ADGRB2: variants seen among roughly 807,000 people sequenced by gnomAD.
ADGRB2 encodes adhesion G protein-coupled receptor B2.
A neutral mutation model predicts 178.7 loss-of-function variants in ADGRB2; 47 were observed. That is an observed-to-expected ratio of 0.26 (90% CI 0.21 to 0.34). The LOEUF (loss-of-function observed/expected upper bound fraction) is 0.34. Among genes scored for constraint, ADGRB2 ranks in the 10% least tolerant of loss-of-function variants. The pLI, the probability that ADGRB2 is intolerant of heterozygous loss-of-function variation, is 1.00. For synonymous variants in ADGRB2, 870 were observed against 912.4 expected, an observed-to-expected ratio of 0.95 and a Z score of 0.84; for missense variants, 1,584 against 2,180.8, an observed-to-expected ratio of 0.73 and a Z score of 5.45.
Position 31,733,999 on chromosome 1 carries a change from A to G in ADGRB2, c.3453-856T>C, listed in dbSNP as rs1357212247. Among the ~76,000 whole-genome samples the G allele has an allele frequency of 6.6e-6, 1 of 152,164 alleles. No homozygotes were observed. Among genetic ancestry groups the G allele is most frequent in the African/African-American group, 2.4e-5 (1 of 41,436 alleles). On this transcript the variant is annotated intron_variant, in intron 25 of 32. Transcript: ENST00000373658. This position sits in a 1 kb window ranked among gnomAD's most constrained non-coding sequence, Gnocchi z 4.3. ...GGGAGAGTCAGGCACAGCTCTAGGC[A>G]TGGCAGAGGGTGGCACCATTCCGCA...
In ADGRB2 at chr1:31,753,448, C is replaced by T. The variant is rs138290224; in HGVS notation, c.838+2551G>A. ...CACCAGCCCCCAGCCCAGTGCTCTT[C>T]CGGTACCAGCCCAAGCCCACCCTGC... On this transcript the variant is annotated intron_variant, in intron 4 of 32. Transcript: ENST00000373658. This position sits in a 1 kb window ranked among gnomAD's most constrained non-coding sequence, Gnocchi z 4.1. Among the ~76,000 whole-genome samples the T allele has an allele frequency of 2.5e-3, 374 of 152,356 alleles. 1 individual carries two copies. The highest frequency in any genetic ancestry group is 8.2e-3 in the African/African-American group (342 of 41,582).
At position 31,741,048 on chromosome 1, in the gene ADGRB2, C is replaced by A. The variant is rs2148955581; in HGVS notation, c.1794+325G>T. Among the ~76,000 whole-genome samples the A allele has an allele frequency of 6.6e-6, 1 of 152,270 alleles. No individual in the cohort carries two copies. Among genetic ancestry groups the A allele is most frequent in the East Asian group, 1.9e-4 (1 of 5,172 alleles). ...TGCTACTCTTACCCCATGACTGGCC[C>A]TGGGCTGGATGCTGGGGACACAAAA... On this transcript the variant is annotated intron_variant, in intron 11 of 32. Transcript: ENST00000373658. The surrounding 1 kb of genome is among the most constrained non-coding windows in gnomAD (Gnocchi z 6.5).
At position 31,740,926 on chromosome 1, in the gene ADGRB2, CTGT is replaced by C. The variant is rs1557760305; in HGVS notation, c.1795-388_1795-386del. ...ACACACACACACACACACACACACA[CTGT>C]CTTTCTCTCTCTCACTCTCTCTCAA... On this transcript the variant is annotated intron_variant, in intron 11 of 32. Transcript: ENST00000373658. This position sits in a 1 kb window ranked among gnomAD's most constrained non-coding sequence, Gnocchi z 5.9. 1.1e-3 allele frequency among the ~76,000 whole-genome samples: 152 copies of C among 137,288 alleles called. No individual in the cohort carries two copies. Among genetic ancestry groups the C allele is most frequent in the Admixed American group, 9.5e-3 (135 of 14,138 alleles). The allele number at this position is 137,288 out of a possible 152,430, so 90.1% of individuals were successfully genotyped here.
Position 31,738,234 on chromosome 1 carries a change from G to A in ADGRB2, c.2738C>T (p.Thr913Ile), listed in dbSNP as rs1645734500. ...GGGCGGCTGGGCTAGTACAGCAAAG[G>A]TGGACAGGTGCTGGCACTGGCAGCG... ...HTRCQCQHLS[T>I]FAVLAQPPKD... Residue 913 changes from threonine to isoleucine, a missense_variant, in exon 18 of 33, where the codon ACC becomes ATC. Thr to Ile is a moderately conservative substitution (Grantham distance 89, BLOSUM62 -1). Around this residue, in one of 3 missense-constraint regions of ADGRB2, gnomAD observed 865 missense variants for 1,192.8 expected, o/e 0.73. Coordinates refer to ENST00000373658, the MANE Select transcript of ADGRB2 (RefSeq NM_001364857.2). 1 of 1,614,024 alleles carries A rather than the reference G, an allele frequency of 6.2e-7. No individual in the cohort carries two copies. Among genetic ancestry groups the A allele is most frequent in the African/African-American group, 1.3e-5 (1 of 74,908 alleles).
chr1:31,746,756 C>G (rs1480542031), intron 4 of ADGRB2, among the ~76,000 whole-genome samples: 56 of 152,316 alleles, frequency 3.7e-4, no homozygotes, highest in Admixed American at 6.5e-5. Context: ...AAGGCCAGCC[C>G]CGTGGCCTGG....
At chr1:31,736,171 C>T (rs1322569523) in intron 22 of ADGRB2, 150 bp downstream of exon 22, 1 of 1,020,032 alleles carries the variant, frequency 9.8e-7, no homozygotes, top group South Asian at 1.5e-5. Context: ...CTAGCACATT[C>T]CCTCAGTCAG....
Position 31,741,006 on chromosome 1 carries a change from GTACACACATTCAC to G in ADGRB2, c.1794+354_1794+366del. ...TTAATACCCAATTACAGTCAAACAT[GTACACACATTCAC>G]TGATGCTACTCTTACCCCATGACTG... is the stretch of plus-strand genomic sequence containing the variant. On this transcript the variant is annotated intron_variant, in intron 11 of 32. Coordinates refer to ENST00000373658, the MANE Select transcript of ADGRB2 (RefSeq NM_001364857.2). The surrounding 1 kb of genome is among the most constrained non-coding windows in gnomAD (Gnocchi z 6.5). 6.6e-6 allele frequency among the ~76,000 whole-genome samples: 1 copy of G among 151,632 alleles called. No homozygotes were observed. The highest frequency in any genetic ancestry group is 1.9e-4 in the East Asian group (1 of 5,136).
Position 31,744,792 on chromosome 1 carries a change from C to T in ADGRB2, c.839-61G>A. 1.9e-6 allele frequency: 3 copies of T among 1,559,794 alleles called. No homozygotes were observed. Among genetic ancestry groups the T allele is most frequent in the Non-Finnish European group, 1.8e-6 (2 of 1,132,006 alleles). ...GGCCAGCTAGGTTCTGTTACAGTGG[C>T]ACAGTGAAGGCAGCCTTCCTTGCCC... On this transcript the variant is annotated intron_variant, in intron 4 of 32. Transcript: ENST00000373658. The surrounding 1 kb of genome is among the most constrained non-coding windows in gnomAD (Gnocchi z 6.7).
intron 18 of ADGRB2, 55 bp downstream of exon 18, chr1:31,738,145 C>T (rs1645729446): frequency 6.3e-7 from 1 of 1,595,084 alleles, no homozygotes; most frequent in Non-Finnish European, 8.6e-7. Context: ...CTGATGGCTG[C>T]TGGAAGCCCA....
In ADGRB2 at chr1:31,727,950, TG is replaced by T; in HGVS notation, c.4572+74del. 1 of 1,486,246 alleles carries T rather than the reference TG, an allele frequency of 6.7e-7. No individual in the cohort carries two copies. Among genetic ancestry groups the T allele is most frequent in the South Asian group, 1.3e-5 (1 of 77,740 alleles). 92.1% of individuals were successfully genotyped at this position (1,486,246 alleles called of 1,614,324 possible). A position where few individuals can be genotyped will look rare whatever the true frequency, so the allele number is the denominator to read the frequency against. ...CTTGGTGAGACAGGCTGGGGTTGCC[TG>T]GGAGGGGCAGGAGGGCAGGGAGGGC... is the stretch of plus-strand genomic sequence containing the variant. On this transcript the variant is annotated intron_variant, in intron 32 of 32. Coordinates refer to ENST00000373658, the MANE Select transcript of ADGRB2 (RefSeq NM_001364857.2). This position sits in a 1 kb window ranked among gnomAD's most constrained non-coding sequence, Gnocchi z 4.4.
intron 4 of ADGRB2, among the ~76,000 whole-genome samples, chr1:31,752,363 T>A (rs1162884485): frequency 6.6e-6 from 1 of 152,054 alleles, no homozygotes. Flanking sequence ...GGAAGGACCT[T>A]CCAGGAAATA....
Position 31,736,367 on chromosome 1 carries a change from C to T in ADGRB2, c.3154G>A (p.Val1052Met), listed in dbSNP as rs1191174229. The T allele has an allele frequency of 1.7e-5, 27 of 1,613,944 alleles. No individual in the cohort carries two copies. In the Admixed American group the frequency reaches 2.0e-4, roughly 12 times the overall value. The change falls in exon 22 of 33, where the codon GTG (valine) becomes ATG (methionine). Residue 1052 changes from valine to methionine, a missense_variant. Coordinates refer to ENST00000373658, the MANE Select transcript of ADGRB2 (RefSeq NM_001364857.2). Reference sequence around the variant, plus strand: ...TTCGTTCGGGTAAAGCCAACAGACACGGCCACCACCAGGGCAGGCAGACCT... The same window carrying T: ...TTCGTTCGGGTAAAGCCAACAGACATGGCCACCACCAGGGCAGGCAGACCT... Reference protein sequence around the residue: ...GWGLPALVVAVSVGFTRTKGY... With the variant: ...GWGLPALVVAMSVGFTRTKGY...
In ADGRB2 at chr1:31,741,753, G is replaced by C. The variant is rs776140186; in HGVS notation, c.1586-28C>G. 3.1e-6 allele frequency: 5 copies of C among 1,604,480 alleles called. No individual in the cohort carries two copies. On this transcript the variant is annotated intron_variant, in intron 9 of 32. Coordinates refer to ENST00000373658, the MANE Select transcript of ADGRB2 (RefSeq NM_001364857.2). This position sits in a 1 kb window ranked among gnomAD's most constrained non-coding sequence, Gnocchi z 6.5. ...GTGGGTGCAGGGGTAAGGTTCAGCT[G>C]GGTCCACACATGGGGCCCCCAGCCC...
At position 31,742,932 on chromosome 1, in the gene ADGRB2, G is replaced by A. The variant is rs1290837302; in HGVS notation, c.1158C>T (p.Ser386=). ...CSRSCGRGSR[S]RMRTCVPPQH... Reference sequence around the variant, plus strand: ...GGGGGGGCACGCAGGTCCGCATCCGGCTCCGGGACCCCCGCCCGCAGCTGC... The same window carrying A: ...GGGGGGGCACGCAGGTCCGCATCCGACTCCGGGACCCCCGCCCGCAGCTGC... Residue 386 remains serine (S), a synonymous_variant, in exon 7 of 33, where the codon AGC becomes AGT. Coordinates refer to ENST00000373658, the MANE Select transcript of ADGRB2 (RefSeq NM_001364857.2). 1.3e-6 allele frequency: 2 copies of A among 1,541,064 alleles called. No individual in the cohort carries two copies. Among genetic ancestry groups the A allele is most frequent in the East Asian group, 5.0e-5 (2 of 40,262 alleles).
rs760934369 is a variant in ADGRB2, at chr1:31,742,222, A to C, written c.1253-5T>G. ...ATTCTAACCACTGGCCTTCCACTGCATGGGGAGACACAAGCAGGGGTGGCT... is the reference window on the plus strand; with the variant it reads ...ATTCTAACCACTGGCCTTCCACTGCCTGGGGAGACACAAGCAGGGGTGGCT... On this transcript the variant is annotated splice_polypyrimidine_tract_variant and splice_region_variant and intron_variant, in intron 7 of 32. Coordinates refer to ENST00000373658, the MANE Select transcript of ADGRB2 (RefSeq NM_001364857.2). 1 of 1,590,812 alleles carries C rather than the reference A, an allele frequency of 6.3e-7. No individual in the cohort carries two copies. Among genetic ancestry groups the C allele is most frequent in the Non-Finnish European group, 8.6e-7 (1 of 1,166,452 alleles).
In ADGRB2 at chr1:31,753,902, T is replaced by C. The variant is rs572904480; in HGVS notation, c.838+2097A>G. ...CCCAGCTCTGGGCACCAGTGTGCCA[T>C]GTGAGCCCACTTATGACAGCTGATG... On this transcript the variant is annotated intron_variant, in intron 4 of 32. Transcript: ENST00000373658. The surrounding 1 kb of genome is among the most constrained non-coding windows in gnomAD (Gnocchi z 4.1). Among the ~76,000 whole-genome samples the C allele has an allele frequency of 1.3e-5, 2 of 152,290 alleles. No homozygotes were observed. The highest frequency in any genetic ancestry group is 6.5e-5 in the Admixed American group (1 of 15,304).
rs761413572 is a variant in ADGRB2 at position 31,739,475 on chromosome 1, T to C, written c.2328A>G (p.Thr776=). Reference sequence around the variant, plus strand: ...TGCCAGGGCTGCCTGCTGCCCCAGATGTGGCTGGCTTCCCTGGGGAGGAGA... The same window carrying C: ...TGCCAGGGCTGCCTGCTGCCCCAGACGTGGCTGGCTTCCCTGGGGAGGAGA... ...LSLSSPGKPA[T]SGAAGSPGRG... Residue 776 remains threonine, a synonymous_variant, in exon 15 of 33, where the codon ACA becomes ACG. Coordinates refer to ENST00000373658, the MANE Select transcript of ADGRB2 (RefSeq NM_001364857.2). The C allele has an allele frequency of 3.7e-6, 6 of 1,611,378 alleles. No homozygotes were observed. In the Admixed American group the frequency reaches 1.0e-4, roughly 27 times the overall value.
Position 31,742,884 on chromosome 1 carries a change from C to T in ADGRB2, c.1206G>A (p.Glu402=). The change falls in exon 7 of 33, where the codon GAG becomes GAA. Residue 402 remains glutamate, a synonymous_variant. Coordinates refer to ENST00000373658, the MANE Select transcript of ADGRB2 (RefSeq NM_001364857.2). ...VPPQHGGKAC[E]GPELQTKLCS... ...AGAGCTTAGTCTGCAGCTCAGGACC[C>T]TCGCAGGCCTTGCCGCCGTGCTGGG... 1 of 1,540,068 alleles carries T rather than the reference C, an allele frequency of 6.5e-7. No homozygotes were observed. The highest frequency in any genetic ancestry group is 8.8e-7 in the Non-Finnish European group (1 of 1,141,820).
Position 31,733,012 on chromosome 1 carries a change from C to A in ADGRB2, c.3584G>T (p.Gly1195Val). Residue 1195 changes from glycine to valine, a missense_variant, in exon 26 of 33, where the codon GGC (glycine) becomes GTC (valine). Gly to Val is a moderately radical substitution (Grantham distance 109, BLOSUM62 -3). Coordinates refer to ENST00000373658, the MANE Select transcript of ADGRB2 (RefSeq NM_001364857.2). The surrounding 1 kb of genome is among the most constrained non-coding windows in gnomAD (Gnocchi z 4.3). ...GCAGTGCACAGCAGTGATGACAAAG[C>A]CCTGCGCGGAGTTGAAGACAGCAAA... Reference protein sequence around the residue: ...ALFAVFNSAQGFVITAVHCFL... With the variant: ...ALFAVFNSAQVFVITAVHCFL... 2 of 1,567,808 alleles carry A rather than the reference C, an allele frequency of 1.3e-6. No homozygotes were observed. Among genetic ancestry groups the A allele is most frequent in the Admixed American group, 1.9e-5 (1 of 53,078 alleles).
Sources: allele counts gnomAD v4.1 joint callset (sites outside exome capture counted in the v4.1 genomes callset), GRCh38; gene constraint gnomAD v4.1.1; regional missense constraint gnomAD v4.1.1; non-coding constraint Gnocchi (gnomAD v3.1); transcripts MANE v1.5; gene names NCBI Gene and HGNC (gene_info 2026-07-23, HGNC 2026-07-21).